The following SPTA1 variants were observed in gnomAD, a reference collection of about 807,000 sequenced individuals.
SPTA1 encodes the protein spectrin alpha chain, erythrocytic 1.
SPTA1 carries 177 observed loss-of-function variants against 324.7 expected under a neutral mutation model. The ratio of observed to expected loss-of-function variants is 0.55; its 90% CI spans 0.48 to 0.62. SPTA1 has a LOEUF of 0.62. Among genes scored for constraint, SPTA1 ranks in the 20% least tolerant of loss-of-function variants. SPTA1 has a pLI of 0.00. For synonymous variants in SPTA1, 1,195 were observed against 1,041.3 expected (o/e 1.15, Z -2.84); for missense variants, 3,162 against 2,883.6 (o/e 1.10, Z -2.21).
rs542123296 is a variant in SPTA1 at position 158,636,674 on chromosome 1, C to T, written c.5277G>A (p.Glu1759=). The T allele has an allele frequency of 6.8e-6, 11 of 1,614,036 alleles. No homozygotes were observed. The highest frequency in any genetic ancestry group is 2.2e-5 in the South Asian group (2 of 91,094). The change falls in exon 37 of 52, where the codon GAG becomes GAA. Residue 1759 remains glutamate, a synonymous_variant. Coordinates refer to ENST00000643759, the MANE Select transcript of SPTA1 (RefSeq NM_003126.4). The part of the protein sequence containing the change: ...QNLLKKHKRL[E]GELVAHEPAI... ...CAGGCTCATGGGCCACCAGCTCCCC[C>T]TCTAGGCGTTTGTGCTTCTTCAGCA... is the stretch of plus-strand genomic sequence containing the variant.
intron 5 of SPTA1, among the ~76,000 whole-genome samples, chr1:158,679,882 A>G (rs1372044646): frequency 6.6e-6 from 1 of 152,138 alleles, no homozygotes; most frequent in East Asian, 1.9e-4. Context: ...AACATAGGTT[A>G]TTTTTCCTAC....
chr1:158,675,565 A>G (rs193133842), intron 8 of SPTA1, among the ~76,000 whole-genome samples: 1 of 152,316 alleles, frequency 6.6e-6, no homozygotes, highest in East Asian at 1.9e-4. Flanking sequence ...CACTATATAC[A>G]CTACATTTTT....
chr1:158,686,262 T>G (rs1482412984), intron 1 of SPTA1, among the ~76,000 whole-genome samples: 1 of 152,196 alleles, frequency 6.6e-6, no homozygotes, highest in Non-Finnish European at 1.5e-5. Flanking sequence ...AGCTTCAATC[T>G]CCCTACTTAT....
chr1:158,643,455 T>A (rs1651765293), intron 30 of SPTA1, 30 bp from the exon 31 acceptor site: 7 of 1,601,460 alleles, frequency 4.4e-6, no homozygotes, highest in Non-Finnish European at 6.0e-6. Context: ...AGAGCCCAGA[T>A]GCTTGGAGAT....
chr1:158,613,655 AC>A, intron 50 of SPTA1, 65 bp downstream of exon 50: 1 of 1,603,578 alleles, frequency 6.2e-7, no homozygotes, highest in Non-Finnish European at 8.5e-7. Context: ...GGATCATTTT[AC>A]TCTCTGTGCT....
In SPTA1 at chr1:158,648,593, G is replaced by A. The variant is rs929298143; in HGVS notation, c.3630C>T (p.Asp1210=). ...EKKCQALSAA[D]PGSDLFSVQA... ...GAACACTGAACAGATCTGAGCCAGG[G>A]TCTGCAGCACTGAGGGCCTGGCATT... The change falls in exon 26 of 52, where the codon GAC becomes GAT. Residue 1210 remains aspartate (D), a synonymous_variant. Transcript: ENST00000643759. 3.1e-6 allele frequency: 5 copies of A among 1,613,928 alleles called. No individual in the cohort carries two copies. The highest frequency in any genetic ancestry group is 4.2e-6 in the Non-Finnish European group (5 of 1,179,950).
chr1:158,662,803 T>A lies in SPTA1; in HGVS notation c.2363A>T (p.Lys788Met). The A allele has an allele frequency of 6.2e-7, 1 of 1,614,062 alleles. No individual in the cohort carries two copies. Among genetic ancestry groups the A allele is most frequent in the Non-Finnish European group, 8.5e-7 (1 of 1,179,994 alleles). ...LKEPLATRKK[K>M]LLDLLHLQLI... ...CTGCAGATGGAGAAGGTCTAAGAGC[T>A]TCTTCTTTCGGGTGGCCAGTGGCTC... The change falls in exon 17 of 52, where the codon AAG (lysine) becomes ATG (methionine). Residue 788 changes from lysine to methionine, a missense_variant. Coordinates refer to ENST00000643759, the MANE Select transcript of SPTA1 (RefSeq NM_003126.4).
At chr1:158,614,504 G>A in intron 48 of SPTA1, 198 bp from the exon 49 acceptor site, 1 of 504,534 alleles carries the variant, frequency 2.0e-6, no homozygotes, top group East Asian at 3.1e-5. Flanking sequence ...GCCAAGAGTA[G>A]ATTTTACATT....
intron 39 of SPTA1, among the ~76,000 whole-genome samples, chr1:158,633,281 T>G (rs1650809013): frequency 6.6e-6 from 1 of 152,202 alleles, no homozygotes; most frequent in Admixed American, 6.5e-5. Flanking sequence ...TATGATATAC[T>G]GCTTTTCTGG....
intron 12 of SPTA1, among the ~76,000 whole-genome samples, chr1:158,670,999 A>G (rs1225244516): frequency 6.6e-6 from 1 of 152,022 alleles, no homozygotes; most frequent in Non-Finnish European, 1.5e-5. Context: ...AAAAAAAAAC[A>G]TGGCTACCAT....
intron 20 of SPTA1, among the ~76,000 whole-genome samples, chr1:158,655,886 TG>T (rs1455236391): frequency 6.6e-6 from 1 of 152,194 alleles, no homozygotes; most frequent in Non-Finnish European, 1.5e-5. Context: ...AAAACTTGAT[TG>T]TTTTGTGCCT....
intron 40 of SPTA1, 54 bp downstream of exon 40, chr1:158,627,571 G>A (rs1650360110): frequency 6.5e-7 from 1 of 1,529,448 alleles, no homozygotes. Flanking sequence ...CTACATTTGG[G>A]CCAGTCCCTT....
intron 29 of SPTA1, 96 bp downstream of exon 29, chr1:158,645,092 G>T: frequency 7.7e-7 from 1 of 1,292,872 alleles, no homozygotes; most frequent in Non-Finnish European, 1.1e-6. Context: ...TTTATAACGT[G>T]GAAAGTCTAG....
At position 158,669,755 on chromosome 1, in the gene SPTA1, C is replaced by T. The variant is rs753650743; in HGVS notation, c.1631G>A (p.Gly544Asp). ...GTTCTCTGAATCATAATGGTCATCA[C>T]CAATCAATTTGGTTGCAGTCTTGTC... is the stretch of plus-strand genomic sequence containing the variant. Reference protein sequence around the residue: ...TVDKTATKLIGDDHYDSENIK... With the variant: ...TVDKTATKLIDDDHYDSENIK... The change falls in exon 13 of 52, where the codon GGT becomes GAT. Residue 544 changes from glycine (G) to aspartate (D), a missense_variant. By Grantham distance (94) the Gly-to-Asp change is moderately conservative (BLOSUM62 -1). Transcript: ENST00000643759. 1 of 1,613,970 alleles carries T rather than the reference C, an allele frequency of 6.2e-7. No homozygotes were observed. Among genetic ancestry groups the T allele is most frequent in the Non-Finnish European group, 8.5e-7 (1 of 1,179,944 alleles).
chr1:158,654,609 A>G lies in SPTA1; in HGVS notation c.3036+2T>C. On this transcript the variant is annotated splice_donor_variant, in intron 21 of 51. Transcript: ENST00000643759. LOFTEE classifies it high-confidence loss of function. ...GATGGAAAGATTAGAAGGAAAAGTC[A>G]CCTTATTGATGGAACTGAGCAGCGT... 2 of 1,613,754 alleles carry G rather than the reference A, an allele frequency of 1.2e-6. No homozygotes were observed. Among genetic ancestry groups the G allele is most frequent in the African/African-American group, 1.3e-5 (1 of 74,908 alleles).
chr1:158,626,752 G>A, intron 41 of SPTA1, 87 bp downstream of exon 41: 3 of 1,567,528 alleles, frequency 1.9e-6, no homozygotes, highest in Non-Finnish European at 2.6e-6. Flanking sequence ...CTTTCATACA[G>A]TAAAAGTCCC....
rs774598209 is a variant in SPTA1 at position 158,671,345 on chromosome 1, T to C, written c.1597A>G (p.Ile533Val). 3 of 1,613,258 alleles carry C rather than the reference T, an allele frequency of 1.9e-6. No homozygotes were observed. The South Asian group carries it at 3.3e-5, about 18-fold the overall frequency. The change falls in exon 12 of 52, where the codon ATA becomes GTA. Residue 533 changes from isoleucine to valine, a missense_variant and splice_region_variant. By Grantham distance (29) the Ile-to-Val change is conservative. Coordinates refer to ENST00000643759, the MANE Select transcript of SPTA1 (RefSeq NM_003126.4). Reference protein sequence around the residue: ...EAFTAQEEKIITVDKTATKLI... With the variant: ...EAFTAQEEKIVTVDKTATKLI... Reference sequence around the variant, plus strand: ...CCAAACTAGGGCCAATTTCTTACTATGATCTTCTCTTCCTGGGCAGTAAAG... The same window carrying C: ...CCAAACTAGGGCCAATTTCTTACTACGATCTTCTCTTCCTGGGCAGTAAAG...
chr1:158,669,850 T>C, intron 12 of SPTA1, 64 bp from the exon 13 acceptor site: 1 of 1,520,830 alleles, frequency 6.6e-7, no homozygotes. Context: ...GTGGCCATAG[T>C]TTGGGTAGCT....
At chr1:158,655,218 C>T (rs903547158) in intron 20 of SPTA1, among the ~76,000 whole-genome samples, 5 of 151,902 alleles carry the variant, frequency 3.3e-5, no homozygotes, top group African/African-American at 1.2e-4. Flanking sequence ...GAGCTCCGGA[C>T]CTTCTATTTG....
Sources: allele counts gnomAD v4.1 joint callset (sites outside exome capture counted in the v4.1 genomes callset), GRCh38; gene constraint gnomAD v4.1.1; transcripts MANE v1.5; gene names NCBI Gene and HGNC (gene_info 2026-07-23, HGNC 2026-07-21).